The following MAST4 variants were observed in gnomAD, a reference collection of about 807,000 sequenced individuals.
MAST4 encodes microtubule-associated serine/threonine-protein kinase 4.
MAST4 carries 89 observed loss-of-function variants against 162.7 expected under a neutral mutation model. That is an observed-to-expected ratio of 0.55 (90% CI 0.46 to 0.65). The LOEUF is 0.65. Ranked by LOEUF, MAST4 falls within the 30% of genes least tolerant of loss-of-function variation. The pLI, the probability that MAST4 is intolerant of heterozygous loss-of-function variation, is 0.00. For missense variants in MAST4, 3,153 were observed against 3,374.0 expected (o/e 0.93, Z 1.62); for synonymous variants, 1,479 against 1,361.1 (o/e 1.09, Z -1.91).
At chr5:66,847,843 A>AAAAAAAAAT (rs1491394087) in intron 3 of MAST4, among the ~76,000 whole-genome samples, 1 of 150,208 alleles carries the variant, frequency 6.7e-6, no homozygotes, top group Non-Finnish European at 1.5e-5. Flanking sequence ...AAAAAAAAAA[A>AAAAAAAAAT]GAAAAACCTT....
intron 3 of MAST4, among the ~76,000 whole-genome samples, chr5:66,820,365 T>C (rs1041947234): frequency 2.6e-5 from 4 of 152,216 alleles, no homozygotes; most frequent in Admixed American, 6.5e-5. Flanking sequence ...TATGAGTTTC[T>C]AAAGCTTTTC....
chr5:67,157,029 A>AT (rs1285296390), intron 26 of MAST4, among the ~76,000 whole-genome samples: 1 of 152,172 alleles, frequency 6.6e-6, no homozygotes, highest in African/African-American at 2.4e-5. Context: ...CATTTTTGTT[A>AT]TTTTTTTAAA....
At chr5:66,935,586 T>A (rs1281330723) in intron 4 of MAST4, among the ~76,000 whole-genome samples, 1 of 152,154 alleles carries the variant, frequency 6.6e-6, no homozygotes, top group Non-Finnish European at 1.5e-5. Context: ...GCCAAAGCAC[T>A]TGTAGCTGCA....
At chr5:66,638,941 G>C (rs1745304117) in intron 1 of MAST4, among the ~76,000 whole-genome samples, 1 of 152,122 alleles carries the variant, frequency 6.6e-6, no homozygotes, top group Non-Finnish European at 1.5e-5. Flanking sequence ...GTAGTTAAGG[G>C]TTCTGTTTTG....
chr5:67,001,972 G>C (rs1233447255), intron 4 of MAST4: 1 of 152,048 alleles, frequency 6.6e-6, no homozygotes, highest in African/African-American at 2.4e-5. Flanking sequence ...AACTTATATA[G>C]CACAAGTTCA....
intron 1 of MAST4, among the ~76,000 whole-genome samples, chr5:66,622,032 T>C (rs1474734469): frequency 6.6e-6 from 1 of 152,100 alleles, no homozygotes; most frequent in Non-Finnish European, 1.5e-5. Context: ...CGGGCCAGAT[T>C]TGACCCACAG....
At position 67,095,842 on chromosome 5, in the gene MAST4, A is replaced by G. The variant is rs542333478; in HGVS notation, c.912+167A>G. On this transcript the variant is annotated intron_variant, in intron 7 of 28. Transcript: ENST00000403625. The stretch of plus-strand genomic sequence containing the variant: ...AAATGATGGCCTGACAAAAATAAAA[A>G]GGACATACTTTCGCTGCAAGCTTTT... 2.0e-5 allele frequency among the ~76,000 whole-genome samples: 3 copies of G among 152,354 alleles called. No homozygotes were observed. In the East Asian group the frequency reaches 5.8e-4, roughly 29 times the overall value.
chr5:66,910,208 G>A (rs1763652139), intron 4 of MAST4, among the ~76,000 whole-genome samples: 2 of 152,126 alleles, frequency 1.3e-5, no homozygotes, highest in Non-Finnish European at 2.9e-5. Context: ...CCTCAAACTT[G>A]CCTTAAAAGC....
chr5:66,907,786 T>C (rs1763482693), intron 4 of MAST4, among the ~76,000 whole-genome samples: 1 of 152,138 alleles, frequency 6.6e-6, no homozygotes, highest in Non-Finnish European at 1.5e-5. Context: ...CTTACTTGAA[T>C]TGCATTTGTG....
chr5:66,637,347 T>C (rs1284204806), intron 1 of MAST4, among the ~76,000 whole-genome samples: 1 of 152,124 alleles, frequency 6.6e-6, no homozygotes, highest in Non-Finnish European at 1.5e-5. Context: ...GAAGTCAAAT[T>C]GGTGGGACAA....
rs564626016 is a variant in MAST4 at position 66,687,582 on chromosome 5, GTA to G, written c.364-72118_364-72117del. ...CATGCATATATACACATGTATATGT[GTA>G]TATATATACATACATATATACACAT... On this transcript the variant is annotated intron_variant, in intron 1 of 28. Coordinates refer to ENST00000403625, the MANE Select transcript of MAST4 (RefSeq NM_001164664.2). 3.1e-4 allele frequency among the ~76,000 whole-genome samples: 46 copies of G among 148,060 alleles called. No homozygotes were observed. The East Asian group carries it at 5.3e-3, about 17-fold the overall frequency.
intron 3 of MAST4, among the ~76,000 whole-genome samples, chr5:66,814,435 A>C (rs1756625998): frequency 6.6e-6 from 1 of 152,120 alleles, no homozygotes; most frequent in African/African-American, 2.4e-5. Context: ...ACAGATATGT[A>C]AAAGAGGCCA....
chr5:66,965,049 G>A (rs577143529), intron 4 of MAST4, among the ~76,000 whole-genome samples: 5 of 151,948 alleles, frequency 3.3e-5, no homozygotes, highest in Admixed American at 2.0e-4. Context: ...AAGAATAATC[G>A]ACTAGGGAAA....
intron 4 of MAST4, among the ~76,000 whole-genome samples, chr5:66,969,488 A>G (rs1019951270): frequency 6.6e-6 from 1 of 152,214 alleles, no homozygotes; most frequent in African/African-American, 2.4e-5. Flanking sequence ...GTGAGCAAGA[A>G]TGGAGCATAT....
intron 3 of MAST4, among the ~76,000 whole-genome samples, chr5:66,850,270 A>G (rs1759206527): frequency 6.6e-6 from 1 of 152,230 alleles, no homozygotes; most frequent in Non-Finnish European, 1.5e-5. Flanking sequence ...TCATTACTTC[A>G]TCTTTCGGTT....
intron 1 of MAST4, among the ~76,000 whole-genome samples, chr5:66,628,948 G>T (rs1322491202): frequency 6.6e-6 from 1 of 152,178 alleles, no homozygotes; most frequent in South Asian, 2.1e-4. Flanking sequence ...ACCTAGAATT[G>T]TATAATATCT....
At chr5:66,695,164 A>C (rs1749317746) in intron 1 of MAST4, among the ~76,000 whole-genome samples, 1 of 152,130 alleles carries the variant, frequency 6.6e-6, no homozygotes, top group South Asian at 2.1e-4. Context: ...TTTACATTTA[A>C]GTCTGTAATC....
At chr5:66,918,072 A>C (rs1421627360) in intron 4 of MAST4, among the ~76,000 whole-genome samples, 1 of 152,180 alleles carries the variant, frequency 6.6e-6, no homozygotes, top group Non-Finnish European at 1.5e-5. Context: ...TACTTCTGTC[A>C]GTTTTAATTC....
intron 2 of MAST4, among the ~76,000 whole-genome samples, chr5:66,786,021 A>G (rs987092854): frequency 2.0e-5 from 3 of 152,012 alleles, no homozygotes; most frequent in African/African-American, 7.3e-5. Flanking sequence ...GATGTGTGCT[A>G]CCACACCTGG....
Sources: allele counts gnomAD v4.1 joint callset (sites outside exome capture counted in the v4.1 genomes callset), GRCh38; gene constraint gnomAD v4.1.1; transcripts MANE v1.5; gene names NCBI Gene and HGNC (gene_info 2026-07-23, HGNC 2026-07-21).